The following SMC1B variants were observed in gnomAD, a reference collection of about 807,000 sequenced individuals.
The protein encoded by SMC1B is structural maintenance of chromosomes protein 1B.
In SMC1B, 60 loss-of-function variants were observed where a neutral mutation model predicts 157.9. That is an observed-to-expected ratio of 0.38 (90% confidence interval 0.31 to 0.47). The LOEUF (loss-of-function observed/expected upper bound fraction) is 0.47, where lower values mean the gene tolerates loss of function less well. SMC1B is among the 20% of genes least tolerant of loss of function. SMC1B has a pLI of 0.99. For synonymous variants in SMC1B, 445 were observed against 483.0 expected, an observed-to-expected ratio of 0.92 and a Z score of 1.03; for missense variants, 1,165 against 1,426.2, an observed-to-expected ratio of 0.82 and a Z score of 2.95.
At chr22:45,359,980 A>T in intron 17 of SMC1B, 22 bp from the exon 18 acceptor site, 1 of 1,603,542 alleles carries the variant, frequency 6.2e-7, no homozygotes, top group Non-Finnish European at 8.5e-7. Context: ...CAGATATGAA[A>T]AAGTAATTTT....
chr22:45,355,126 C>G lies in SMC1B; in HGVS notation c.2962-11G>C, dbSNP rs776729448. 3.0e-5 allele frequency: 49 copies of G among 1,613,800 alleles called. No individual in the cohort carries two copies. In the East Asian group the frequency reaches 9.6e-4, roughly 32 times the overall value. On this transcript the variant is annotated splice_polypyrimidine_tract_variant and intron_variant, in intron 19 of 24. Transcript: ENST00000357450. ...ATCAGACTGTAGAGCCTATTATGGG[C>G]AAAGAACAACACTGACTGGCATGGC...
chr22:45,394,774 G>A lies in SMC1B; in HGVS notation c.1255-7C>T. ...TTATTTGTTTTAGATTTCCCTAAAA[G>A]AGGAAATAAAATCTAAAATCAATTA... On this transcript the variant is annotated splice_region_variant and splice_polypyrimidine_tract_variant and intron_variant, in intron 7 of 24. Coordinates refer to ENST00000357450, the MANE Select transcript of SMC1B (RefSeq NM_148674.5). 1 of 1,517,840 alleles carries A rather than the reference G, an allele frequency of 6.6e-7. No individual in the cohort carries two copies. The highest frequency in any genetic ancestry group is 1.2e-5 in the South Asian group (1 of 80,644). The allele number at this position is 1,517,840 out of a possible 1,614,324, so 94.0% of individuals were successfully genotyped here. A position where few individuals can be genotyped will look rare whatever the true frequency, so the allele number is the denominator to read the frequency against.
At chr22:45,362,688 G>A (rs755696799) in intron 16 of SMC1B, among the ~76,000 whole-genome samples, 197 bp downstream of exon 16, 2 of 152,186 alleles carry the variant, frequency 1.3e-5, no homozygotes, top group African/African-American at 2.4e-5. Context: ...GGAGTCATCT[G>A]TGACATCCCC....
chr22:45,359,328 CAG>C (rs1422805534), intron 18 of SMC1B, among the ~76,000 whole-genome samples: 1 of 152,152 alleles, frequency 6.6e-6, no homozygotes, highest in African/African-American at 2.4e-5. Flanking sequence ...AAAAGGCCAA[CAG>C]GGAAATGTTA....
intron 12 of SMC1B, among the ~76,000 whole-genome samples, chr22:45,377,334 G>A (rs1182627259): frequency 6.6e-6 from 1 of 151,802 alleles, no homozygotes; most frequent in African/African-American, 2.4e-5. Context: ...CGAAATTAAT[G>A]TCAGCTTTAA....
At chr22:45,353,911 A>AC in intron 21 of SMC1B, 67 bp downstream of exon 21, 4 of 714,096 alleles carry the variant, frequency 5.6e-6, no homozygotes, top group Admixed American at 4.5e-5. Context: ...AAAAAAAAAA[A>AC]AAAAAAAAAC....
chr22:45,371,682 G>T, intron 13 of SMC1B, 95 bp from the exon 14 acceptor site: 1 of 1,378,724 alleles, frequency 7.3e-7, no homozygotes, highest in South Asian at 1.4e-5. Flanking sequence ...AATAAAAGAA[G>T]AATCTATGAG....
intron 23 of SMC1B, among the ~76,000 whole-genome samples, chr22:45,346,678 T>C (rs2086555031): frequency 1.3e-5 from 2 of 152,172 alleles, no homozygotes. Flanking sequence ...TTAGAGGCAA[T>C]GGTAGTAGCC....
At chr22:45,362,357 G>A (rs1301091196) in intron 16 of SMC1B, among the ~76,000 whole-genome samples, 2 of 152,096 alleles carry the variant, frequency 1.3e-5, no homozygotes, top group East Asian at 3.9e-4. Context: ...AAACTCTGGG[G>A]CTTCTGTGAT....
chr22:45,404,948 T>A (rs2087241323), intron 4 of SMC1B, among the ~76,000 whole-genome samples: 1 of 152,188 alleles, frequency 6.6e-6, no homozygotes, highest in African/African-American at 2.4e-5. Flanking sequence ...AACAAGATAA[T>A]TTTATACAGC....
chr22:45,355,006 AGT>A lies in SMC1B; in HGVS notation c.3069_3070del (p.Leu1024GlyfsTer18). On this transcript the variant is annotated frameshift_variant, in exon 20 of 25. Coordinates refer to ENST00000357450, the MANE Select transcript of SMC1B (RefSeq NM_148674.5). LOFTEE classifies it high-confidence loss of function. ...GTCTCTGACAGTCTTTAAGTTCTCC[AGT>A]GCTCGTAGGTTTGGGGCTGCTGTTT... 6.2e-7 allele frequency: 1 copy of A among 1,614,178 alleles called. No homozygotes were observed. The highest frequency in any genetic ancestry group is 2.2e-5 in the East Asian group (1 of 44,888).
chr22:45,390,884 G>C (rs2087050600), intron 9 of SMC1B, among the ~76,000 whole-genome samples: 1 of 152,072 alleles, frequency 6.6e-6, no homozygotes. Flanking sequence ...TGTATCTTTG[G>C]ACTCTTTCCT....
chr22:45,347,650 C>G (rs1176766209), intron 23 of SMC1B, among the ~76,000 whole-genome samples: 4 of 152,156 alleles, frequency 2.6e-5, no homozygotes, highest in Non-Finnish European at 5.9e-5. Context: ...GACAAGGTCT[C>G]ACTATGTTGC....
chr22:45,365,835 A>G (rs2146785350), intron 15 of SMC1B, among the ~76,000 whole-genome samples: 1 of 152,356 alleles, frequency 6.6e-6, no homozygotes, highest in Non-Finnish European at 1.5e-5. Flanking sequence ...ATTAATAAGA[A>G]AACATAGATC....
In SMC1B at chr22:45,352,451, C is replaced by T; in HGVS notation, c.3425G>A (p.Ser1142Asn). ...AALALLFAVH[S>N]FRPAPFFVLD... ...AACTGAATAGCTTTTGTGACCTTAC[C>T]TGTGCACAGCAAACAGGAGAGCCAA... The change falls in exon 22 of 25, where the codon AGT (serine) becomes AAT (asparagine). Residue 1142 changes from serine to asparagine, a missense_variant and splice_region_variant. Ser to Asn is a conservative substitution (Grantham distance 46). Transcript: ENST00000357450. 1 of 1,612,924 alleles carries T rather than the reference C, an allele frequency of 6.2e-7. No homozygotes were observed. The highest frequency in any genetic ancestry group is 8.5e-7 in the Non-Finnish European group (1 of 1,179,426).
chr22:45,378,769 G>C (rs1043109367), intron 12 of SMC1B, among the ~76,000 whole-genome samples: 1 of 151,888 alleles, frequency 6.6e-6, no homozygotes, highest in Non-Finnish European at 1.5e-5. Flanking sequence ...ATATTTAGGT[G>C]CTATGTGCTG....
intron 24 of SMC1B, among the ~76,000 whole-genome samples, 166 bp from the exon 25 acceptor site, chr22:45,344,823 T>A (rs1006221543): frequency 6.6e-6 from 1 of 152,234 alleles, no homozygotes; most frequent in Non-Finnish European, 1.5e-5. Flanking sequence ...TTATCTGGTA[T>A]GAGAATTTCC....
intron 19 of SMC1B, among the ~76,000 whole-genome samples, chr22:45,357,629 TTTC>T (rs138515913): frequency 0.39 from 58,813 of 151,904 alleles, 13,458 homozygotes; most frequent in Non-Finnish European, 0.52. Context: ...CACAGAAACT[TTTC>T]TTCTTTGGCT....
Position 45,353,893 on chromosome 22 carries a change from CAAAAAAAAAAAAA to C in SMC1B, c.3273+72_3273+84del, listed in dbSNP as rs3833396. On this transcript the variant is annotated intron_variant, in intron 21 of 24. Transcript: ENST00000357450. ...TAATGTGGCAGTGGTTATTTCCCAC[CAAAAAAAAAAAAA>C]AAAAAAAAAAAAAACAACCACCACC... 79 of 247,506 alleles carry C rather than the reference CAAAAAAAAAAAAA, an allele frequency of 3.2e-4. No homozygotes were observed. In the African/African-American group the frequency reaches 3.6e-3, roughly 11 times the overall value. 15.3% of individuals were successfully genotyped at this position (247,506 alleles called of 1,614,324 possible). A position where few individuals can be genotyped will look rare whatever the true frequency, so the allele number is the denominator to read the frequency against.
Sources: allele counts gnomAD v4.1 joint callset (sites outside exome capture counted in the v4.1 genomes callset), GRCh38; gene constraint gnomAD v4.1.1; transcripts MANE v1.5; gene names NCBI Gene and HGNC (gene_info 2026-07-23, HGNC 2026-07-21).